The following MPP7 variants were observed in gnomAD, a reference collection of about 807,000 sequenced individuals.
The protein encoded by MPP7 is MAGUK p55 subfamily member 7.
A neutral mutation model predicts 76.5 loss-of-function variants in MPP7; 60 were observed. The observed-to-expected ratio is 0.78, with a 90% CI of 0.64 to 0.97. The LOEUF is 0.97. MPP7 is among the 50% of genes least tolerant of loss of function. MPP7 has a pLI of 0.00. For synonymous variants in MPP7, 237 were observed against 244.5 expected, an observed-to-expected ratio of 0.97 and a Z score of 0.29; for missense variants, 641 against 694.0, an observed-to-expected ratio of 0.92 and a Z score of 0.86.
At chr10:28,094,228 A>G (rs1185853348) in intron 11 of MPP7, among the ~76,000 whole-genome samples, 2 of 152,108 alleles carry the variant, frequency 1.3e-5, no homozygotes, top group Non-Finnish European at 2.9e-5. Context: ...AATGCACAGG[A>G]ATTCACACAG....
intron 3 of MPP7, among the ~76,000 whole-genome samples, chr10:28,153,053 A>G (rs1835934207): frequency 6.6e-6 from 1 of 152,198 alleles, no homozygotes; most frequent in African/African-American, 2.4e-5. Context: ...CAGGAGTACA[A>G]GACCAGCCTG....
intron 11 of MPP7, among the ~76,000 whole-genome samples, chr10:28,105,554 C>A (rs760646813): frequency 4.6e-5 from 7 of 152,158 alleles, no homozygotes; most frequent in Non-Finnish European, 1.0e-4. Context: ...GTCACCCAGG[C>A]TGGAATGCAA....
chr10:28,080,905 T>G (rs186819518), intron 12 of MPP7, among the ~76,000 whole-genome samples: 1 of 152,358 alleles, frequency 6.6e-6, no homozygotes, highest in East Asian at 1.9e-4. Context: ...ACAAAAGATA[T>G]GAGAATTCTA....
intron 3 of MPP7, among the ~76,000 whole-genome samples, chr10:28,185,737 G>T (rs899384976): frequency 6.6e-6 from 1 of 152,098 alleles, no homozygotes; most frequent in African/African-American, 2.4e-5. Context: ...AAGTGTGCTC[G>T]TAATTCTTAT....
At chr10:28,194,537 A>AAT (rs1188530847) in intron 3 of MPP7, among the ~76,000 whole-genome samples, 3 of 152,256 alleles carry the variant, frequency 2.0e-5, no homozygotes, top group African/African-American at 7.2e-5. Flanking sequence ...CCTATTCAGC[A>AAT]ATACAAAGTA....
intron 3 of MPP7, among the ~76,000 whole-genome samples, chr10:28,173,449 G>A (rs193254470): frequency 6.6e-6 from 1 of 152,248 alleles, no homozygotes; most frequent in East Asian, 1.9e-4. Flanking sequence ...AGAATCTACA[G>A]ATAAAGGAAT....
intron 1 of MPP7, among the ~76,000 whole-genome samples, chr10:28,258,019 A>G (rs1839840523): frequency 1.3e-5 from 2 of 152,146 alleles, no homozygotes; most frequent in South Asian, 2.1e-4. Flanking sequence ...CAGTACACAA[A>G]TAACATAAAC....
Position 28,149,971 on chromosome 10 carries a change from G to T in MPP7, c.234+11C>A. ...AGACACATCCCAGTGAGCTCGGAGA[G>T]TCACACTTACATCATCGGCCAAGGC... is the stretch of plus-strand genomic sequence containing the variant. On this transcript the variant is annotated intron_variant, in intron 4 of 16. Coordinates refer to ENST00000683449, the MANE Select transcript of MPP7 (RefSeq NM_001318170.2). The T allele has an allele frequency of 6.2e-7, 1 of 1,610,430 alleles. No individual in the cohort carries two copies.
intron 1 of MPP7, among the ~76,000 whole-genome samples, chr10:28,256,509 C>T (rs1435877523): frequency 6.6e-6 from 1 of 151,350 alleles, no homozygotes; most frequent in Non-Finnish European, 1.5e-5. Flanking sequence ...CATCATTAGA[C>T]AGGAAAAAAA....
At chr10:28,293,864 T>G (rs1840979500) in intron 1 of MPP7, among the ~76,000 whole-genome samples, 1 of 152,142 alleles carries the variant, frequency 6.6e-6, no homozygotes, top group East Asian at 1.9e-4. Flanking sequence ...AAGAGAGTGT[T>G]AACAGCTAAC....
At chr10:28,234,937 G>A (rs1839020754) in intron 2 of MPP7, among the ~76,000 whole-genome samples, 1 of 152,094 alleles carries the variant, frequency 6.6e-6, no homozygotes, top group Admixed American at 6.5e-5. Flanking sequence ...CAGCCTTCCA[G>A]GTAGCTGGAA....
intron 3 of MPP7, among the ~76,000 whole-genome samples, chr10:28,175,219 G>C (rs978984232): frequency 2.6e-5 from 4 of 152,032 alleles, no homozygotes; most frequent in African/African-American, 9.7e-5. Context: ...GAACCCAGGG[G>C]GCAGAGGGTG....
At chr10:28,093,445 T>A (rs1483945739) in intron 11 of MPP7, among the ~76,000 whole-genome samples, 4 of 136,560 alleles carry the variant, frequency 2.9e-5, no homozygotes, top group African/African-American at 1.1e-4. Flanking sequence ...TTACTTTCCT[T>A]TTTTTTTTTT....
chr10:28,241,794 C>T (rs951980693), intron 1 of MPP7, among the ~76,000 whole-genome samples: 5 of 152,210 alleles, frequency 3.3e-5, no homozygotes, highest in African/African-American at 1.2e-4. Flanking sequence ...GATTACAACC[C>T]TCCTTTAAAA....
chr10:28,186,559 G>T (rs1244017057), intron 3 of MPP7, among the ~76,000 whole-genome samples: 2 of 152,196 alleles, frequency 1.3e-5, no homozygotes, highest in South Asian at 2.1e-4. Context: ...TGCTGCCAAT[G>T]GTTCTACAAT....
intron 12 of MPP7, among the ~76,000 whole-genome samples, chr10:28,075,072 G>A (rs989223449): frequency 6.6e-6 from 1 of 152,058 alleles, no homozygotes; most frequent in Admixed American, 6.6e-5. Context: ...TGAAGGGGGA[G>A]TGAGGTGTCT....
At chr10:28,120,974 A>G (rs547514357) in intron 8 of MPP7, among the ~76,000 whole-genome samples, 1 of 152,320 alleles carries the variant, frequency 6.6e-6, no homozygotes, top group African/African-American at 2.4e-5. Flanking sequence ...CAAAATATGC[A>G]CAACACCTTA....
chr10:28,307,168 C>A (rs12098714), upstream of MPP7, among the ~76,000 whole-genome samples: 21,116 of 152,118 alleles, frequency 0.14, 2,204 homozygotes, highest in African/African-American at 0.29. Context: ...ATGAGGCTTC[C>A]TTTCTAGTTA....
chr10:28,054,826 G>T (rs1039979042), intron 16 of MPP7, among the ~76,000 whole-genome samples: 5 of 152,052 alleles, frequency 3.3e-5, no homozygotes, highest in African/African-American at 1.2e-4. Context: ...ACAGGAGCGT[G>T]CCGCCACACC....
Sources: gnomAD v4.1 joint callset for allele counts (sites outside exome capture counted in the v4.1 genomes callset) on GRCh38, gnomAD v4.1.1 for gene constraint, MANE v1.5 for transcripts, NCBI Gene and HGNC (gene_info 2026-07-23, HGNC 2026-07-21) for gene names.